ZNF276: variants seen among roughly 807,000 people sequenced by gnomAD.
ZNF276 encodes zinc finger protein 276.
Under a neutral mutation model 63.9 loss-of-function variants are expected in ZNF276, and 59 were observed. The observed-to-expected ratio is 0.92, with a 90% CI of 0.75 to 1.15. ZNF276 has a LOEUF of 1.15. Among genes scored for constraint, ZNF276 ranks in the 50% most tolerant of loss-of-function variants. The pLI is 0.00. For missense variants in ZNF276, 1,084 were observed against 843.8 expected (o/e 1.28, Z -3.53); for synonymous variants, 496 against 348.4 (o/e 1.42, Z -4.72).
rs1283011363 is a variant in ZNF276 at position 89,722,643 on chromosome 16, A to T, written c.318A>T (p.Pro106=). ...CGCCTGGAGCGAGCATGGAGAGGCCATCCGCAGAGGAGCGCGTGCTCGTAC... is the reference window on the plus strand; with the variant it reads ...CGCCTGGAGCGAGCATGGAGAGGCCTTCCGCAGAGGAGCGCGTGCTCGTAC... ...ERAPGASMER[P]SAEERVLVRD... is the part of the protein sequence containing the mutation. Residue 106 remains proline, a synonymous_variant, in exon 2 of 11, where the codon CCA becomes CCT. Coordinates refer to ENST00000443381, the MANE Select transcript of ZNF276 (RefSeq NM_001113525.2). 1 of 1,612,076 alleles carries T rather than the reference A, an allele frequency of 6.2e-7. No individual in the cohort carries two copies. The highest frequency in any genetic ancestry group is 8.5e-7 in the Non-Finnish European group (1 of 1,180,028).
intron 9 of ZNF276, among the ~76,000 whole-genome samples, chr16:89,736,625 C>A (rs924160020): frequency 5.9e-5 from 9 of 151,610 alleles, no homozygotes; most frequent in African/African-American, 2.2e-4. Context: ...GCCACTGCAC[C>A]GGCCCCCCAA....
chr16:89,733,204 G>C, intron 6 of ZNF276, 98 bp from the exon 7 acceptor site: 9 of 1,149,948 alleles, frequency 7.8e-6, no homozygotes, highest in Non-Finnish European at 1.0e-5. Context: ...GCAACTCAGG[G>C]AAGCTTCAGA....
At chr16:89,730,675 G>A (rs929174928) in intron 6 of ZNF276, among the ~76,000 whole-genome samples, 1 of 152,148 alleles carries the variant, frequency 6.6e-6, no homozygotes, top group Non-Finnish European at 1.5e-5. Context: ...CGCTGCGCAG[G>A]AGGCAGGACT....
chr16:89,729,396 C>G (rs1739500279), intron 6 of ZNF276, 78 bp downstream of exon 6: 9 of 1,273,140 alleles, frequency 7.1e-6, no homozygotes, highest in Non-Finnish European at 1.0e-5. Flanking sequence ...GGGCCTCTCC[C>G]CGGTGCCCAC....
At position 89,738,064 on chromosome 16, in the gene ZNF276, G is replaced by C; in HGVS notation, c.1663G>C (p.Ala555Pro). The change falls in exon 11 of 11, where the codon GCC (alanine) becomes CCC (proline). Residue 555 changes from alanine to proline, a missense_variant. By Grantham distance (27) the Ala-to-Pro change is conservative. Transcript: ENST00000443381. The stretch of plus-strand genomic sequence containing the variant: ...CAAGGCTGAGACTGAGCTGGACTTT[G>C]CCTGTGACCAGTGTGGCCGGCGGTT... Reference protein sequence around the residue: ...KHKAETELDFACDQCGRRFEK... With the variant: ...KHKAETELDFPCDQCGRRFEK... The C allele has an allele frequency of 6.2e-7, 1 of 1,614,130 alleles. No individual in the cohort carries two copies. The highest frequency in any genetic ancestry group is 8.5e-7 in the Non-Finnish European group (1 of 1,180,044).
intron 9 of ZNF276, among the ~76,000 whole-genome samples, chr16:89,736,944 G>A (rs1426148278): frequency 6.6e-6 from 1 of 152,082 alleles, no homozygotes; most frequent in Middle Eastern, 3.2e-3. Context: ...GCCAAGATAG[G>A]GTTTCCCTTC....
At position 89,735,956 on chromosome 16, in the gene ZNF276, A is replaced by G. The variant is rs1205051220; in HGVS notation, c.1475-1850A>G. 2.0e-5 allele frequency among the ~76,000 whole-genome samples: 3 copies of G among 151,150 alleles called. No homozygotes were observed. The Admixed American group carries it at 2.0e-4, about 10-fold the overall frequency. ...GCCCAGGCTGGGGTGCAGTGGCACA[A>G]TCTCAGCTCACTGCAAGCTCCTCTT... On this transcript the variant is annotated intron_variant, in intron 9 of 10. Coordinates refer to ENST00000443381, the MANE Select transcript of ZNF276 (RefSeq NM_001113525.2).
At chr16:89,736,810 A>AAAAAAAAG (rs2061924380) in intron 9 of ZNF276, among the ~76,000 whole-genome samples, 2 of 151,336 alleles carry the variant, frequency 1.3e-5, no homozygotes, top group Admixed American at 1.3e-4. Context: ...AAAAAAAAAA[A>AAAAAAAAG]AAAAGAATCC....
rs573881533 is a variant in ZNF276, at chr16:89,729,341, G to C, written c.1169+23G>C. Reference sequence around the variant, plus strand: ...GAAGTAAGTGGGCAGCCCGGGGTCTGCTGGAGGCATCCGTTGGGCGACCTA... The same window carrying C: ...GAAGTAAGTGGGCAGCCCGGGGTCTCCTGGAGGCATCCGTTGGGCGACCTA... On this transcript the variant is annotated intron_variant, in intron 6 of 10. Transcript: ENST00000443381. 4.3e-6 allele frequency: 7 copies of C among 1,611,900 alleles called. 1 individual carries two copies. In the South Asian group the frequency reaches 5.5e-5, roughly 13 times the overall value.
chr16:89,735,035 T>G (rs1207241772), intron 9 of ZNF276, among the ~76,000 whole-genome samples: 1 of 151,770 alleles, frequency 6.6e-6, no homozygotes, highest in Non-Finnish European at 1.5e-5. Context: ...GGCACACGCC[T>G]GTAGGCACAG....
chr16:89,731,169 G>T (rs551275237), intron 6 of ZNF276, among the ~76,000 whole-genome samples: 34 of 152,370 alleles, frequency 2.2e-4, no homozygotes, highest in African/African-American at 8.2e-4. Flanking sequence ...AGGTGAGGGG[G>T]ACATGTGGCT....
At position 89,738,950 on chromosome 16, in the gene ZNF276, T is replaced by C. The variant is rs2151710869; in HGVS notation, c.*704T>C. 7.4e-6 allele frequency: 12 copies of C among 1,614,220 alleles called. No individual in the cohort carries two copies. The highest frequency in any genetic ancestry group is 1.0e-5 in the Non-Finnish European group (12 of 1,180,042). ...AACTGCAGCAGAAAAAGACGAGCTT[T>C]TGTTATCAGTTCCACGGGGTTGCCC... On this transcript the variant is annotated 3_prime_UTR_variant, in exon 11 of 11. Transcript: ENST00000443381.
chr16:89,733,194 G>T lies in ZNF276; in HGVS notation c.1170-108G>T, dbSNP rs929698537. The T allele has an allele frequency of 2.9e-6, 3 of 1,044,378 alleles. No homozygotes were observed. The African/African-American group carries it at 4.8e-5, about 17-fold the overall frequency. The allele number at this position is 1,044,378 out of a possible 1,614,324, so 64.7% of individuals were successfully genotyped here. ...ATTCTGAGGGTCAGTCAGCACAGAA[G>T]CAACTCAGGGAAGCTTCAGAAAAGA... On this transcript the variant is annotated intron_variant, in intron 6 of 10. Coordinates refer to ENST00000443381, the MANE Select transcript of ZNF276 (RefSeq NM_001113525.2).
intron 6 of ZNF276, among the ~76,000 whole-genome samples, chr16:89,730,810 G>A (rs2061622137): frequency 6.6e-6 from 1 of 152,192 alleles, no homozygotes; most frequent in Admixed American, 6.5e-5. Context: ...CCCGTGTGCT[G>A]CCTCCCAGTC....
chr16:89,723,489 A>G lies in ZNF276; in HGVS notation c.786A>G (p.Pro262=). ...LLDSALAVKW[P]WDKETAPRLP... ...ACAGTGCGCTGGCAGTCAAGTGGCC[A>G]TGGGACAAAGAGACGGCGCCACGGC... Residue 262 remains proline (P), a synonymous_variant, in exon 4 of 11, where the codon CCA becomes CCG. Coordinates refer to ENST00000443381, the MANE Select transcript of ZNF276 (RefSeq NM_001113525.2). The G allele has an allele frequency of 6.2e-7, 1 of 1,613,008 alleles. No homozygotes were observed. Among genetic ancestry groups the G allele is most frequent in the Non-Finnish European group, 8.5e-7 (1 of 1,180,030 alleles).
rs2062032586 is a variant in ZNF276, at chr16:89,738,719, G to A, written c.*473G>A. On this transcript the variant is annotated 3_prime_UTR_variant, in exon 11 of 11. Coordinates refer to ENST00000443381, the MANE Select transcript of ZNF276 (RefSeq NM_001113525.2). ...ACGATCAGCCAGCAGCTGTGAGAGA[G>A]GAGCAGGTCCTCAGCCCATGCCGCC... 2.5e-6 allele frequency: 4 copies of A among 1,613,604 alleles called. No homozygotes were observed. The highest frequency in any genetic ancestry group is 2.7e-5 in the African/African-American group (2 of 74,926).
Position 89,723,684 on chromosome 16 carries a change from A to C in ZNF276, c.981A>C (p.Pro327=). 6.2e-7 allele frequency: 1 copy of C among 1,611,120 alleles called. No homozygotes were observed. The highest frequency in any genetic ancestry group is 8.5e-7 in the Non-Finnish European group (1 of 1,178,996). Residue 327 remains proline (P), a synonymous_variant, in exon 4 of 11, where the codon CCA becomes CCC. Transcript: ENST00000443381. ...CCAGGTCGGGCTTCCCACCTCAGCC[A>C]AGCCTGCCCCTTTGCAGGGCCCCAG... ...VGPRSGFPPQ[P]SLPLCRAPGQ...
rs1440013855 is a variant in ZNF276, at chr16:89,738,604, G to A, written c.*358G>A. 2.5e-6 allele frequency: 4 copies of A among 1,613,086 alleles called. No individual in the cohort carries two copies. The African/African-American group carries it at 5.3e-5, about 22-fold the overall frequency. On this transcript the variant is annotated 3_prime_UTR_variant, in exon 11 of 11. Coordinates refer to ENST00000443381, the MANE Select transcript of ZNF276 (RefSeq NM_001113525.2). ...TGGTGTGCAGTGGCAGGTCCCGTCA[G>A]AAGAGATGAGGCTCCTGGGACAGGT...
At chr16:89,737,483 C>G (rs945058363) in intron 9 of ZNF276, 4 of 350,762 alleles carry the variant, frequency 1.1e-5, no homozygotes, top group Non-Finnish European at 2.1e-5. Context: ...ATCACGCCAC[C>G]GCACTGCAGC....
Sources: gnomAD v4.1 joint callset for allele counts (sites outside exome capture counted in the v4.1 genomes callset) on GRCh38, gnomAD v4.1.1 for gene constraint, MANE v1.5 for transcripts, NCBI Gene and HGNC (gene_info 2026-07-23, HGNC 2026-07-21) for gene names.